The following MCM9 variants were observed in gnomAD, a reference collection of about 807,000 sequenced individuals.
MCM9 encodes DNA helicase MCM9.
In MCM9, 55 loss-of-function variants were observed where a neutral mutation model predicts 72.8. The ratio of observed to expected loss-of-function variants is 0.76; its 90% confidence interval spans 0.61 to 0.95. MCM9 has a LOEUF of 0.95. MCM9 is among the 40% of genes least tolerant of loss of function. The pLI is 0.00. For synonymous variants in MCM9, 480 were observed against 503.4 expected (o/e 0.95, Z 0.62); for missense variants, 1,279 against 1,377.0 (o/e 0.93, Z 1.13).
intron 8 of MCM9, among the ~76,000 whole-genome samples, chr6:118,905,155 A>G (rs905877228): frequency 6.6e-5 from 10 of 152,182 alleles, no homozygotes; most frequent in Admixed American, 3.9e-4. Context: ...GTTTTATACT[A>G]ATTTACTATT....
chr6:118,914,676 A>G (rs1017354595), intron 6 of MCM9, among the ~76,000 whole-genome samples: 1 of 152,138 alleles, frequency 6.6e-6, no homozygotes, highest in Non-Finnish European at 1.5e-5. Context: ...GAATCTAGTG[A>G]TTACATGTGG....
At chr6:118,893,945 G>A (rs1331430924) in intron 8 of MCM9, 2 of 916,244 alleles carry the variant, frequency 2.2e-6, no homozygotes, top group Non-Finnish European at 2.6e-6. Context: ...ACGCCTCCCC[G>A]CCGCGGCCAC....
chr6:118,822,560 G>A (rs1052286373), intron 13 of MCM9, among the ~76,000 whole-genome samples: 1 of 152,166 alleles, frequency 6.6e-6, no homozygotes, highest in Non-Finnish European at 1.5e-5. Flanking sequence ...GCTGAACCCT[G>A]CTGGGTGGTC....
intron 8 of MCM9, among the ~76,000 whole-genome samples, chr6:118,879,248 GAA>G (rs36165777): frequency 0.23 from 33,107 of 145,176 alleles, 3,799 homozygotes; most frequent in East Asian, 0.31. Flanking sequence ...AATGGAGGGG[GAA>G]AAAAAAAAAA....
chr6:118,850,948 A>T (rs1275735224), intron 9 of MCM9, among the ~76,000 whole-genome samples: 2 of 151,658 alleles, frequency 1.3e-5, no homozygotes, highest in Non-Finnish European at 2.9e-5. Context: ...CCTCTTGAGT[A>T]GCTGGGACTA....
intron 9 of MCM9, among the ~76,000 whole-genome samples, chr6:118,851,030 A>T (rs1776190408): frequency 6.6e-6 from 1 of 151,568 alleles, no homozygotes; most frequent in Admixed American, 6.6e-5. Flanking sequence ...CATCTTGCTC[A>T]GTCTGGTCTT....
chr6:118,818,715 A>G (rs1264484408), intron 13 of MCM9, among the ~76,000 whole-genome samples: 2 of 152,146 alleles, frequency 1.3e-5, no homozygotes, highest in Admixed American at 6.6e-5. Context: ...AAATTACTTT[A>G]AGCAGTACAG....
intron 8 of MCM9, among the ~76,000 whole-genome samples, chr6:118,906,395 C>T (rs1481611929): frequency 3.3e-5 from 5 of 152,060 alleles, no homozygotes; most frequent in African/African-American, 1.2e-4. Context: ...GTAAGACAGG[C>T]CTTTGTTTAT....
intron 5 of MCM9, chr6:118,918,010 G>T: frequency 2.0e-6 from 1 of 506,010 alleles, no homozygotes; most frequent in East Asian, 3.2e-5. Flanking sequence ...CCTGCTACAT[G>T]ATAATCCTAC....
chr6:118,842,835 A>T (rs1775480545), intron 9 of MCM9, among the ~76,000 whole-genome samples: 2 of 152,138 alleles, frequency 1.3e-5, no homozygotes, highest in South Asian at 4.1e-4. Flanking sequence ...TTTTAAAAAA[A>T]ACTCACGTTG....
intron 8 of MCM9, chr6:118,900,665 T>C: frequency 1.2e-6 from 1 of 822,814 alleles, no homozygotes; most frequent in Non-Finnish European, 2.1e-6. Flanking sequence ...AAGCCAATTT[T>C]AAAGCCAGTA....
Position 118,816,276 on chromosome 6 carries a change from C to T in MCM9, c.1980G>A (p.Val660=). 2.6e-6 allele frequency: 4 copies of T among 1,542,482 alleles called. No homozygotes were observed. Among genetic ancestry groups the T allele is most frequent in the Non-Finnish European group, 3.5e-6 (4 of 1,142,830 alleles). ...RRLERLQNQS[V]HQSQPRVLEV... The stretch of plus-strand genomic sequence containing the variant: ...CCAATACCCGTGGTTGGGATTGGTG[C>T]ACACTCTGATTCTGTAACCTGTAGC... The change falls in exon 14 of 14, where the codon GTG becomes GTA. Residue 660 remains valine (V), a synonymous_variant. Transcript: ENST00000619706.
Position 118,931,594 on chromosome 6 carries a change from C to G in MCM9, c.130G>C (p.Ala44Pro). 1.2e-6 allele frequency: 2 copies of G among 1,614,138 alleles called. No individual in the cohort carries two copies. The highest frequency in any genetic ancestry group is 1.7e-6 in the Non-Finnish European group (2 of 1,180,014). Reference sequence around the variant, plus strand: ...ATGTTGGTCTCAAACAGAGTCATGGCATTAACCACAACTGGGTAATGAGCA... The same window carrying G: ...ATGTTGGTCTCAAACAGAGTCATGGGATTAACCACAACTGGGTAATGAGCA... ...EDAHYPVVVN[A>P]MTLFETNMEI... The change falls in exon 3 of 14, where the codon GCC becomes CCC. Residue 44 changes from alanine (A) to proline (P), a missense_variant. Transcript: ENST00000619706.
At chr6:118,843,690 A>ATATATATG in intron 9 of MCM9, among the ~76,000 whole-genome samples, 1 of 29,934 alleles carries the variant, frequency 3.3e-5, no homozygotes, top group African/African-American at 1.2e-4. Context: ...ATATATGTGT[A>ATATATATG]TATATATATA....
At chr6:118,861,259 C>T (rs1054363913) in intron 8 of MCM9, among the ~76,000 whole-genome samples, 4 of 152,230 alleles carry the variant, frequency 2.6e-5, no homozygotes, top group Admixed American at 6.5e-5. Flanking sequence ...CTCGGAGACA[C>T]CAGGAACTGC....
At chr6:118,875,769 C>A (rs1255422859) in intron 8 of MCM9, among the ~76,000 whole-genome samples, 1 of 152,128 alleles carries the variant, frequency 6.6e-6, no homozygotes, top group African/African-American at 2.4e-5. Flanking sequence ...CAGGAATTGT[C>A]ATTTATTGCT....
chr6:118,860,598 C>T (rs780636710), intron 8 of MCM9, among the ~76,000 whole-genome samples: 1 of 152,050 alleles, frequency 6.6e-6, no homozygotes, highest in Non-Finnish European at 1.5e-5. Context: ...ATTAGAAATC[C>T]AGGGTGCTCA....
At chr6:118,843,193 C>A (rs1775508570) in intron 9 of MCM9, among the ~76,000 whole-genome samples, 1 of 152,010 alleles carries the variant, frequency 6.6e-6, no homozygotes, top group African/African-American at 2.4e-5. Context: ...GTATGTGCCA[C>A]CCACAGGAAA....
At chr6:118,870,196 T>C (rs1345135845) in intron 8 of MCM9, among the ~76,000 whole-genome samples, 1 of 152,306 alleles carries the variant, frequency 6.6e-6, no homozygotes, top group Admixed American at 6.5e-5. Context: ...AGCAGTAGAA[T>C]ACACATTCTT....
Sources: gnomAD v4.1 joint callset for allele counts (sites outside exome capture counted in the v4.1 genomes callset) on GRCh38, gnomAD v4.1.1 for gene constraint, MANE v1.5 for transcripts, NCBI Gene and HGNC (gene_info 2026-07-23, HGNC 2026-07-21) for gene names.